Variants in TENM4 observed in about 807,000 individuals in gnomAD.
The protein encoded by TENM4 is teneurin-4.
In TENM4, 82 loss-of-function variants were observed where a neutral mutation model predicts 243.3. That is an observed-to-expected ratio of 0.34 (90% CI 0.28 to 0.40). TENM4 has a LOEUF of 0.40. Among genes scored for constraint, TENM4 ranks in the 10% least tolerant of loss-of-function variants. The probability of loss-of-function intolerance (pLI) is 1.00; values close to 1 mark genes in which losing one functional copy is unlikely to be tolerated. For missense variants in TENM4, 3,138 were observed against 3,673.3 expected (o/e 0.85, Z 3.77); for synonymous variants, 1,412 against 1,456.3 (o/e 0.97, Z 0.69).
chr11:78,704,192 T>TATA (rs1202963717), intron 27 of TENM4, among the ~76,000 whole-genome samples: 4 of 139,560 alleles, frequency 2.9e-5, no homozygotes, highest in Non-Finnish European at 6.2e-5. Flanking sequence ...TATATATATA[T>TATA]ATTTGTAGAG....
At chr11:78,812,357 A>G (rs998495468) in intron 13 of TENM4, 41 bp from the exon 14 acceptor site, 1 of 1,538,084 alleles carries the variant, frequency 6.5e-7, no homozygotes, top group Non-Finnish European at 8.8e-7. Context: ...ATCAATGTCC[A>G]GCACACCCCA....
intron 2 of TENM4, among the ~76,000 whole-genome samples, chr11:79,253,789 A>G (rs1855653944): frequency 6.6e-6 from 1 of 152,228 alleles, no homozygotes; most frequent in South Asian, 2.1e-4. Context: ...AAATAAACTG[A>G]AATAAAATCG....
intron 19 of TENM4, among the ~76,000 whole-genome samples, chr11:78,751,283 T>C (rs1445457783): frequency 1.3e-5 from 2 of 152,160 alleles, no homozygotes; most frequent in African/African-American, 4.8e-5. Context: ...CTGCCTCCTT[T>C]GGGGTAAATT....
At chr11:78,743,567 C>T (rs1461593805) in intron 19 of TENM4, among the ~76,000 whole-genome samples, 1 of 152,116 alleles carries the variant, frequency 6.6e-6, no homozygotes, top group African/African-American at 2.4e-5. Context: ...GGTTAGAGAA[C>T]CTAGGGCTGG....
chr11:78,801,274 C>A (rs1857276668), intron 15 of TENM4, among the ~76,000 whole-genome samples: 1 of 152,168 alleles, frequency 6.6e-6, no homozygotes, highest in African/African-American at 2.4e-5. Context: ...AGCCACCTCC[C>A]CCACCATCAC....
rs61745036 is a variant in TENM4, at chr11:79,069,792, G to A, written c.153C>T (p.Asp51=). Residue 51 remains aspartate, a synonymous_variant, in exon 5 of 34, where the codon GAC becomes GAT. Coordinates refer to ENST00000278550, the MANE Select transcript of TENM4 (RefSeq NM_001098816.3). Reference sequence around the variant, plus strand: ...CGCGGCTGCCATAGGCTAGGCGGGCGTCCTGGTCGTAGGCCTTCAGGGTCT... The same window carrying A: ...CGCGGCTGCCATAGGCTAGGCGGGCATCCTGGTCGTAGGCCTTCAGGGTCT... ...SSETLKAYDQ[D]ARLAYGSRVK... 0.032 allele frequency: 48,916 copies of A among 1,551,216 alleles called. 962 individuals are homozygous for A. The highest frequency in any genetic ancestry group is 0.065 in the South Asian group (5,506 of 84,062).
At chr11:78,683,894 T>A (rs1858588625) in intron 29 of TENM4, among the ~76,000 whole-genome samples, 1 of 152,210 alleles carries the variant, frequency 6.6e-6, no homozygotes, top group Non-Finnish European at 1.5e-5. Context: ...GAAAATACTA[T>A]CTCTGGATTT....
chr11:78,760,135 T>C (rs1449128304), intron 18 of TENM4, among the ~76,000 whole-genome samples: 4 of 152,160 alleles, frequency 2.6e-5, no homozygotes, highest in African/African-American at 2.4e-5. Context: ...CTGATTCATT[T>C]CATTATCCCA....
intron 4 of TENM4, chr11:79,096,642 T>G (rs1861084216): frequency 5.9e-5 from 9 of 152,196 alleles, no homozygotes; most frequent in Admixed American, 5.9e-4. Flanking sequence ...CCTTGGGACA[T>G]GTCCCCTGAC....
intron 6 of TENM4, among the ~76,000 whole-genome samples, chr11:79,048,805 C>G (rs1859724863): frequency 6.6e-6 from 1 of 152,122 alleles, no homozygotes; most frequent in African/African-American, 2.4e-5. Context: ...TTTAAGTTGC[C>G]TCTTTTGCCA....
rs181853944 is a variant in TENM4 at position 79,365,337 on chromosome 11, T to C, written c.-320-67794A>G. On this transcript the variant is annotated intron_variant, in intron 1 of 33. Coordinates refer to ENST00000278550, the MANE Select transcript of TENM4 (RefSeq NM_001098816.3). Reference sequence around the variant, plus strand: ...CCCTTCCTCCTCCTTAGGCCCATCATGGCCCCTAAAAAATCAGACAGCCGA... The same window carrying C: ...CCCTTCCTCCTCCTTAGGCCCATCACGGCCCCTAAAAAATCAGACAGCCGA... Among the ~76,000 whole-genome samples the C allele has an allele frequency of 3.8e-3, 577 of 152,320 alleles. 3 individuals are homozygous for C. The highest frequency in any genetic ancestry group is 0.013 in the African/African-American group (548 of 41,570).
At chr11:79,158,968 C>T (rs1040383276) in intron 3 of TENM4, among the ~76,000 whole-genome samples, 8 of 152,298 alleles carry the variant, frequency 5.3e-5, no homozygotes, top group Admixed American at 2.0e-4. Context: ...TCAGTGCTCA[C>T]TGAAAAGCCC....
At chr11:78,971,552 C>T (rs1249074552) in intron 6 of TENM4, among the ~76,000 whole-genome samples, 2 of 152,274 alleles carry the variant, frequency 1.3e-5, no homozygotes, top group Middle Eastern at 6.8e-3. Flanking sequence ...CCACCCACCT[C>T]GGCCTCCCAA....
chr11:79,045,501 TG>T (rs1006190645), intron 6 of TENM4, among the ~76,000 whole-genome samples: 1 of 152,080 alleles, frequency 6.6e-6, no homozygotes, highest in African/African-American at 2.4e-5. Flanking sequence ...GGTTTGAGGA[TG>T]CTTTTAGGAG....
intron 18 of TENM4, among the ~76,000 whole-genome samples, chr11:78,760,377 G>C (rs1434596041): frequency 6.6e-6 from 1 of 152,208 alleles, no homozygotes; most frequent in Non-Finnish European, 1.5e-5. Flanking sequence ...CATGCAAACT[G>C]TGTGACTTGG....
At chr11:79,013,989 G>A (rs1477697261) in intron 6 of TENM4, among the ~76,000 whole-genome samples, 1 of 151,876 alleles carries the variant, frequency 6.6e-6, no homozygotes, top group East Asian at 1.9e-4. Flanking sequence ...TTTCTCTATA[G>A]TCACTTTTTG....
intron 17 of TENM4, among the ~76,000 whole-genome samples, chr11:78,774,806 G>C (rs1257053557): frequency 1.3e-5 from 2 of 152,152 alleles, no homozygotes; most frequent in Non-Finnish European, 2.9e-5. Context: ...CAAGTTAGTT[G>C]ATTCTGTTCT....
intron 6 of TENM4, among the ~76,000 whole-genome samples, chr11:79,034,488 G>A (rs567455369): frequency 6.6e-6 from 1 of 152,184 alleles, no homozygotes; most frequent in Admixed American, 6.5e-5. Flanking sequence ...GATAATTACA[G>A]ACATTTTTAG....
intron 3 of TENM4, among the ~76,000 whole-genome samples, chr11:79,185,329 C>T (rs549722820): frequency 1.3e-5 from 2 of 152,092 alleles, no homozygotes; most frequent in South Asian, 2.1e-4. Flanking sequence ...ACAACAACAA[C>T]AAAAACCCCC....
Sources: allele counts gnomAD v4.1 joint callset (sites outside exome capture counted in the v4.1 genomes callset), GRCh38; gene constraint gnomAD v4.1.1; transcripts MANE v1.5; gene names NCBI Gene and HGNC (gene_info 2026-07-23, HGNC 2026-07-21).